NKAIN3: variants seen among roughly 807,000 people sequenced by gnomAD.
NKAIN3 encodes the protein sodium/potassium-transporting ATPase subunit beta-1-interacting protein 3.
Under a neutral mutation model 30.2 loss-of-function variants are expected in NKAIN3, and 25 were observed. The ratio of observed to expected loss-of-function variants is 0.83; its 90% CI spans 0.60 to 1.16. The LOEUF is 1.16. Ranked by LOEUF, NKAIN3 falls within the 50% of genes most tolerant of loss-of-function variation. The pLI is 0.00. For synonymous variants in NKAIN3, 91 were observed against 89.6 expected, an observed-to-expected ratio of 1.02 and a Z score of -0.09; for missense variants, 225 against 254.1, an observed-to-expected ratio of 0.89 and a Z score of 0.78.
chr8:62,556,407 A>G (rs1585941985), intron 1 of NKAIN3, among the ~76,000 whole-genome samples: 3 of 151,730 alleles, frequency 2.0e-5, no homozygotes, highest in African/African-American at 7.2e-5. Context: ...GAAGGACATA[A>G]AGTAGAAAAA....
At chr8:62,812,804 A>G (rs978969) in intron 4 of NKAIN3, among the ~76,000 whole-genome samples, 134,482 of 151,848 alleles carry the variant, frequency 0.89, 59,687 homozygotes, top group African/African-American at 0.91. Flanking sequence ...ATGATGTCAC[A>G]CTTTAACTGC....
intron 4 of NKAIN3, among the ~76,000 whole-genome samples, chr8:62,853,262 G>C (rs1221812404): frequency 1.3e-5 from 2 of 152,118 alleles, no homozygotes; most frequent in East Asian, 3.9e-4. Flanking sequence ...TTTTATCAGA[G>C]AGTAAGATTG....
intron 1 of NKAIN3, among the ~76,000 whole-genome samples, chr8:62,363,130 G>A (rs986105920): frequency 2.0e-5 from 3 of 152,168 alleles, no homozygotes; most frequent in Non-Finnish European, 2.9e-5. Context: ...ATGTGCAGAG[G>A]GCAATACAGC....
Position 62,589,721 on chromosome 8 carries a change from T to C in NKAIN3, c.200T>C (p.Val67Ala), listed in dbSNP as rs1810591873. Residue 67 changes from valine (V) to alanine (A), a missense_variant, in exon 3 of 7, where the codon GTG (valine) becomes GCG (alanine). By Grantham distance (64) the Val-to-Ala change is moderately conservative. Transcript: ENST00000623646. ...TCCCCCATTTCTATCTAGTATACAG[T>C]GTGGACTGCCCTCTGGGTCACCTGG... ...YRPRYIMVYTVWTALWVTWNV... is the reference protein window; with the variant it reads ...YRPRYIMVYTAWTALWVTWNV... 1 of 1,576,436 alleles carries C rather than the reference T, an allele frequency of 6.3e-7. No individual in the cohort carries two copies. Among genetic ancestry groups the C allele is most frequent in the Non-Finnish European group, 8.7e-7 (1 of 1,148,488 alleles).
At chr8:62,424,375 G>A (rs2129597032) in intron 1 of NKAIN3, among the ~76,000 whole-genome samples, 1 of 151,812 alleles carries the variant, frequency 6.6e-6, no homozygotes, top group Middle Eastern at 3.4e-3. Context: ...CACAATGGAG[G>A]AAAATATATG....
intron 3 of NKAIN3, among the ~76,000 whole-genome samples, chr8:62,639,010 G>A (rs1305055420): frequency 6.6e-6 from 1 of 152,116 alleles, no homozygotes; most frequent in East Asian, 1.9e-4. Flanking sequence ...TTCTCTGCAA[G>A]TGTACTATCT....
chr8:62,499,071 C>T (rs754546068), intron 1 of NKAIN3, among the ~76,000 whole-genome samples: 5 of 152,072 alleles, frequency 3.3e-5, no homozygotes, highest in Non-Finnish European at 7.4e-5. Context: ...TGAGGAGTTT[C>T]CTTGTTGATA....
At chr8:62,374,311 A>T (rs918962647) in intron 1 of NKAIN3, among the ~76,000 whole-genome samples, 5 of 152,128 alleles carry the variant, frequency 3.3e-5, no homozygotes, top group African/African-American at 1.2e-4. Context: ...TATTTTCTTT[A>T]CTAGACCATA....
chr8:62,676,168 A>G (rs1813469285), intron 3 of NKAIN3, among the ~76,000 whole-genome samples: 1 of 152,216 alleles, frequency 6.6e-6, no homozygotes, highest in South Asian at 2.1e-4. Context: ...AGAGTAAGTA[A>G]CTTGTGCCAA....
At chr8:62,822,870 T>C (rs1175408210) in intron 4 of NKAIN3, among the ~76,000 whole-genome samples, 1 of 152,228 alleles carries the variant, frequency 6.6e-6, no homozygotes, top group Non-Finnish European at 1.5e-5. Flanking sequence ...CATAGCCTTC[T>C]ACACACTTAG....
chr8:62,813,977 G>A (rs1021074416), intron 4 of NKAIN3, among the ~76,000 whole-genome samples: 1 of 151,970 alleles, frequency 6.6e-6, no homozygotes, highest in African/African-American at 2.4e-5. Flanking sequence ...TTCTGTCCAG[G>A]TCTGTAAGGT....
rs2130912964 is a variant in NKAIN3 at position 62,969,897 on chromosome 8, T to C, written c.*4490T>C. Among the ~76,000 whole-genome samples, 1 of 152,096 alleles carries C rather than the reference T, an allele frequency of 6.6e-6. No homozygotes were observed. Among genetic ancestry groups the C allele is most frequent in the South Asian group, 2.1e-4 (1 of 4,812 alleles). Reference sequence around the variant, plus strand: ...TCATATAACTGCACAGTGAACAATTTAGAAAGGGAACAGATGACCAGACAC... The same window carrying C: ...TCATATAACTGCACAGTGAACAATTCAGAAAGGGAACAGATGACCAGACAC... On this transcript the variant is annotated 3_prime_UTR_variant, in exon 7 of 7. Coordinates refer to ENST00000623646, the MANE Select transcript of NKAIN3 (RefSeq NM_001304533.3).
At chr8:62,603,991 C>G (rs1338534823) in intron 3 of NKAIN3, among the ~76,000 whole-genome samples, 2 of 151,986 alleles carry the variant, frequency 1.3e-5, no homozygotes, top group African/African-American at 2.4e-5. Flanking sequence ...AACAAGATAC[C>G]CTTTGGTATG....
intron 3 of NKAIN3, among the ~76,000 whole-genome samples, chr8:62,726,976 C>T (rs936806879): frequency 6.6e-6 from 1 of 151,942 alleles, no homozygotes; most frequent in African/African-American, 2.4e-5. Context: ...AAATTGGATC[C>T]AACAATGTGC....
chr8:62,567,867 A>G (rs1302958576), intron 1 of NKAIN3, among the ~76,000 whole-genome samples: 9 of 152,142 alleles, frequency 5.9e-5, no homozygotes, highest in Non-Finnish European at 1.3e-4. Context: ...TAATAAAGTA[A>G]TATAAGTTTT....
intron 4 of NKAIN3, among the ~76,000 whole-genome samples, chr8:62,757,186 G>A (rs1011265463): frequency 1.3e-4 from 20 of 151,966 alleles, no homozygotes; most frequent in African/African-American, 4.8e-4. Flanking sequence ...GCATTACTTG[G>A]GATAATTTAA....
intron 1 of NKAIN3, among the ~76,000 whole-genome samples, chr8:62,325,610 A>C (rs893283680): frequency 6.6e-6 from 1 of 152,012 alleles, no homozygotes; most frequent in African/African-American, 2.4e-5. Context: ...CAGTGTAAAA[A>C]TGTTCCCTTT....
rs1823991946 is a variant in NKAIN3 at position 62,978,342 on chromosome 8, C to G, written c.*12935C>G. 6.6e-6 allele frequency: 1 copy of G among 152,370 alleles called. No individual in the cohort carries two copies. Among genetic ancestry groups the G allele is most frequent in the Non-Finnish European group, 1.5e-5 (1 of 68,186 alleles). The allele number at this position is 152,370 out of a possible 1,614,324, so 9.4% of individuals were successfully genotyped here. ...CTGCCCCTTCCCCCAGGTGCTCTGT[C>G]CCCAGGAGATGGGAGTTTTATCTAT... is the stretch of plus-strand genomic sequence containing the variant. On this transcript the variant is annotated 3_prime_UTR_variant, in exon 7 of 7. Transcript: ENST00000623646.
intron 1 of NKAIN3, among the ~76,000 whole-genome samples, chr8:62,396,754 T>C (rs968038289): frequency 1.3e-4 from 20 of 152,180 alleles, no homozygotes; most frequent in Admixed American, 1.3e-3. Context: ...CTGTAACTAT[T>C]CTTGTGTTAA....
Sources: gnomAD v4.1 joint callset for allele counts (sites outside exome capture counted in the v4.1 genomes callset) on GRCh38, gnomAD v4.1.1 for gene constraint, MANE v1.5 for transcripts, NCBI Gene and HGNC (gene_info 2026-07-23, HGNC 2026-07-21) for gene names.